ZNF638: variants seen among roughly 807,000 people sequenced by gnomAD.
ZNF638 encodes CTCL tumor antigen se33-1.
A neutral mutation model predicts 195.6 loss-of-function variants in ZNF638; 46 were observed. That is an observed-to-expected ratio of 0.24 (90% CI 0.19 to 0.30). ZNF638 has a LOEUF of 0.30. ZNF638 is among the 10% of genes least tolerant of loss of function. ZNF638 has a pLI of 1.00. For missense variants in ZNF638, 2,440 were observed against 2,325.3 expected (o/e 1.05, Z -1.01); for synonymous variants, 845 against 772.0 (o/e 1.09, Z -1.57).
intron 24 of ZNF638, among the ~76,000 whole-genome samples, chr2:71,427,716 A>C (rs1046335363): frequency 2.6e-5 from 4 of 152,242 alleles, no homozygotes; most frequent in African/African-American, 9.6e-5. Context: ...ATTGTGGGAA[A>C]AAGACAACTT....
rs781245844 is a variant in ZNF638, at chr2:71,427,288, G to A, written c.5419G>A (p.Gly1807Arg). 6.2e-7 allele frequency: 1 copy of A among 1,613,578 alleles called. No individual in the cohort carries two copies. Among genetic ancestry groups the A allele is most frequent in the East Asian group, 2.2e-5 (1 of 44,860 alleles). The change falls in exon 24 of 28, where the codon GGG becomes AGG. Residue 1807 changes from glycine to arginine, a missense_variant. Around this residue, in one of 5 missense-constraint regions of ZNF638, gnomAD observed 1,883 missense variants for 1,739.1 expected, o/e 1.08. Coordinates refer to ENST00000264447, the MANE Select transcript of ZNF638 (RefSeq NM_014497.5). ...SKNDHPTDKKGNRKKRAVDTK... is the reference protein window; with the variant it reads ...SKNDHPTDKKRNRKKRAVDTK... ...AAATGACCATCCCACAGATAAAAAA[G>A]GGAATAGAAAGAAGAGAGCTGTGGA...
At chr2:71,431,617 G>A (rs915825152) in intron 26 of ZNF638, among the ~76,000 whole-genome samples, 189 bp downstream of exon 26, 4 of 152,128 alleles carry the variant, frequency 2.6e-5, no homozygotes, top group South Asian at 2.1e-4. Flanking sequence ...AAAATTAGCC[G>A]GACGTGGTGG....
At chr2:71,398,874 T>A (rs1345174511) in intron 12 of ZNF638, 102 bp downstream of exon 12, 1 of 1,052,634 alleles carries the variant, frequency 9.5e-7, no homozygotes, top group Admixed American at 2.4e-5. Context: ...GTTTAGTAGA[T>A]ATTTCCTTGA....
chr2:71,426,506 A>T lies in ZNF638; in HGVS notation c.4637A>T (p.Glu1546Val). Residue 1546 changes from glutamate to valine, a missense_variant, in exon 24 of 28, where the codon GAG becomes GTG. By Grantham distance (121) the Glu-to-Val change is moderately radical. Around this residue, in one of 5 missense-constraint regions of ZNF638, gnomAD observed 1,883 missense variants for 1,739.1 expected, o/e 1.08. Coordinates refer to ENST00000264447, the MANE Select transcript of ZNF638 (RefSeq NM_014497.5). ...FNLDEFVTVD[E>V]VIEEVNPSQA... is the part of the protein sequence containing the mutation. ...TTGGATGAATTTGTTACTGTGGATG[A>T]GGTTATAGAAGAAGTGAATCCTTCT... 1 of 1,600,056 alleles carries T rather than the reference A, an allele frequency of 6.2e-7. No individual in the cohort carries two copies. The highest frequency in any genetic ancestry group is 8.5e-7 in the Non-Finnish European group (1 of 1,176,120).
Position 71,431,457 on chromosome 2 carries a change from C to T in ZNF638, c.5752+29C>T. On this transcript the variant is annotated intron_variant, in intron 26 of 27. Coordinates refer to ENST00000264447, the MANE Select transcript of ZNF638 (RefSeq NM_014497.5). ...AAGTTAAAATGACATTTTTTTCTTA[C>T]CCATATGAAATTTAAAAGTCGGCCG... The T allele has an allele frequency of 2.5e-6, 4 of 1,603,032 alleles. No individual in the cohort carries two copies. In the South Asian group the frequency reaches 4.4e-5, roughly 18 times the overall value.
At chr2:71,375,146 T>C (rs753948546) in intron 8 of ZNF638, 3 of 152,222 alleles carry the variant, frequency 2.0e-5, no homozygotes, top group Non-Finnish European at 2.9e-5. Context: ...TTATACCTGC[T>C]ACATGCCATC....
At chr2:71,373,437 ATTTTTTT>A (rs754117239) in intron 8 of ZNF638, among the ~76,000 whole-genome samples, 29 of 71,016 alleles carry the variant, frequency 4.1e-4, no homozygotes, top group East Asian at 1.3e-3. Context: ...TCAAGTTTGA[ATTTTTTT>A]TTTTTTTTTT....
chr2:71,402,231 A>G (rs1309379580), intron 16 of ZNF638, 144 bp downstream of exon 16: 1 of 796,960 alleles, frequency 1.3e-6, no homozygotes. Context: ...AATATAAAAC[A>G]CAGATATCCT....
At chr2:71,363,845 G>A in intron 4 of ZNF638, 109 bp from the exon 5 acceptor site, 3 of 1,319,414 alleles carry the variant, frequency 2.3e-6, no homozygotes, top group Non-Finnish European at 3.0e-6. Context: ...TTTTATGAGA[G>A]TTTGGTATTG....
chr2:71,355,217 A>G (rs1305742046), intron 2 of ZNF638, among the ~76,000 whole-genome samples: 10 of 152,124 alleles, frequency 6.6e-5, no homozygotes, highest in African/African-American at 2.4e-5. Context: ...TGGCCTCCCA[A>G]AGTGCTGGGA....
chr2:71,403,739 T>C (rs1381447824), intron 16 of ZNF638, 131 bp from the exon 17 acceptor site: 2 of 577,362 alleles, frequency 3.5e-6, no homozygotes, highest in Admixed American at 3.7e-5. Context: ...CTGCATTTTT[T>C]TATCTTTAAA....
intron 2 of ZNF638, among the ~76,000 whole-genome samples, chr2:71,351,144 A>G (rs1429773653): frequency 6.6e-6 from 1 of 152,320 alleles, no homozygotes; most frequent in Admixed American, 6.5e-5. Context: ...ATATACTAAC[A>G]TGGGAAAAAG....
intron 15 of ZNF638, 112 bp from the exon 16 acceptor site, chr2:71,401,844 T>A: frequency 1.1e-6 from 1 of 933,158 alleles, no homozygotes; most frequent in Non-Finnish European, 1.5e-6. Flanking sequence ...TATCAGACTT[T>A]CCTCAGTATT....
rs7562789 is a variant in ZNF638, at chr2:71,428,691, A to G, written c.5650+40A>G. On this transcript the variant is annotated intron_variant, in intron 25 of 27. Transcript: ENST00000264447. ...TTGGAATGGGAAGGAAAGTTACACA[A>G]CACAGGAGAGTAGTTGAAGTTTAAA... 1.5e-4 allele frequency: 233 copies of G among 1,518,310 alleles called. 2 individuals are homozygous for G. The African/African-American group carries it at 2.6e-3, about 17-fold the overall frequency. 94.1% of individuals were successfully genotyped at this position (1,518,310 alleles called of 1,614,324 possible).
chr2:71,406,761 A>T (rs1387450598), intron 19 of ZNF638, among the ~76,000 whole-genome samples: 1 of 152,130 alleles, frequency 6.6e-6, no homozygotes, highest in Non-Finnish European at 1.5e-5. Flanking sequence ...GCACTTTGGG[A>T]GGCTGAGGCG....
chr2:71,431,594 C>T lies in ZNF638; in HGVS notation c.5752+166C>T, dbSNP rs1267286918. 4.6e-5 allele frequency among the ~76,000 whole-genome samples: 7 copies of T among 152,078 alleles called. No individual in the cohort carries two copies. In the East Asian group the frequency reaches 1.4e-3, roughly 29 times the overall value. ...CTAACACGGTGAAACCCCGTCAGTACTAAAAGGTACAAAAAATTAGCCGGA... is the reference window on the plus strand; with the variant it reads ...CTAACACGGTGAAACCCCGTCAGTATTAAAAGGTACAAAAAATTAGCCGGA... On this transcript the variant is annotated intron_variant, in intron 26 of 27. Coordinates refer to ENST00000264447, the MANE Select transcript of ZNF638 (RefSeq NM_014497.5).
At chr2:71,393,721 G>T (rs2079836331) in intron 10 of ZNF638, 1 of 668,450 alleles carries the variant, frequency 1.5e-6, no homozygotes. Context: ...ACTCTATTGG[G>T]CTCATCTGTT....
chr2:71,348,554 G>T (rs1465543006), intron 1 of ZNF638, 199 bp from the exon 2 acceptor site: 61 of 1,186,100 alleles, frequency 5.1e-5, no homozygotes, highest in Non-Finnish European at 5.7e-5. Flanking sequence ...GAGGTTTGGG[G>T]CTTGTGTTCT....
intron 27 of ZNF638, 109 bp downstream of exon 27, chr2:71,433,392 C>T: frequency 1.3e-6 from 1 of 754,938 alleles, no homozygotes; most frequent in Non-Finnish European, 2.2e-6. Context: ...AATGTTTATG[C>T]CAGTTTATTC....
Sources: allele counts gnomAD v4.1 joint callset (sites outside exome capture counted in the v4.1 genomes callset), GRCh38; gene constraint gnomAD v4.1.1; regional missense constraint gnomAD v4.1.1; transcripts MANE v1.5; gene names NCBI Gene and HGNC (gene_info 2026-07-23, HGNC 2026-07-21).